Variants in CACHD1 observed in about 807,000 individuals in gnomAD.
The protein encoded by CACHD1 is cache domain containing 1.
A neutral mutation model predicts 138.7 loss-of-function variants in CACHD1; 71 were observed. The ratio of observed to expected loss-of-function variants is 0.51; its 90% CI spans 0.42 to 0.62. CACHD1 has a LOEUF of 0.62. Ranked by LOEUF, CACHD1 falls within the 20% of genes least tolerant of loss-of-function variation. The pLI is 0.00. For synonymous variants in CACHD1, 578 were observed against 591.5 expected (o/e 0.98, Z 0.33); for missense variants, 1,389 against 1,625.3 (o/e 0.85, Z 2.50).
chr1:64,536,599 G>A (rs909715748), intron 1 of CACHD1, among the ~76,000 whole-genome samples: 23 of 152,152 alleles, frequency 1.5e-4, no homozygotes, highest in African/African-American at 5.6e-4. Context: ...TGAGAGTTAG[G>A]AGAAGTATTC....
At chr1:64,507,812 A>G (rs1646389084) in intron 1 of CACHD1, among the ~76,000 whole-genome samples, 2 of 152,196 alleles carry the variant, frequency 1.3e-5, no homozygotes, top group African/African-American at 4.8e-5. Context: ...AGTTCAAACC[A>G]CCAGTATGTT....
intron 1 of CACHD1, among the ~76,000 whole-genome samples, chr1:64,472,545 A>G (rs1440152919): frequency 6.6e-6 from 1 of 152,256 alleles, no homozygotes; most frequent in East Asian, 1.9e-4. Context: ...TTTAAGATGC[A>G]TCATTCAACT....
rs190008138 is a variant in CACHD1, at chr1:64,686,990, A to C, written c.3587-4333A>C. On this transcript the variant is annotated intron_variant, in intron 26 of 26. Coordinates refer to ENST00000651257, the MANE Select transcript of CACHD1 (RefSeq NM_020925.4). Reference sequence around the variant, plus strand: ...TATAATCAAACAAAGTTTCTTAGGAACTATCAGATAAATATATAAGCAGAC... The same window carrying C: ...TATAATCAAACAAAGTTTCTTAGGACCTATCAGATAAATATATAAGCAGAC... Among the ~76,000 whole-genome samples, 475 of 152,338 alleles carry C rather than the reference A, an allele frequency of 3.1e-3. 5 individuals are homozygous for C. The highest frequency in any genetic ancestry group is 0.011 in the African/African-American group (453 of 41,572).
At chr1:64,623,647 G>A (rs904301826) in intron 4 of CACHD1, among the ~76,000 whole-genome samples, 4 of 152,168 alleles carry the variant, frequency 2.6e-5, no homozygotes, top group Admixed American at 1.3e-4. Context: ...CTATAACACC[G>A]ATAATGCGGA....
intron 1 of CACHD1, among the ~76,000 whole-genome samples, chr1:64,489,807 T>A (rs1442093582): frequency 2.0e-5 from 3 of 152,058 alleles, no homozygotes; most frequent in African/African-American, 7.3e-5. Flanking sequence ...CCAGGAAGAG[T>A]CCTGGGTGTG....
intron 7 of CACHD1, 117 bp downstream of exon 7, chr1:64,634,377 T>TTTATTTA: frequency 2.3e-6 from 1 of 444,022 alleles, no homozygotes; most frequent in Non-Finnish European, 3.7e-6. Flanking sequence ...TATTTATGTA[T>TTTATTTA]GTATTTATTT....
chr1:64,518,290 C>CT (rs34268687), intron 1 of CACHD1, among the ~76,000 whole-genome samples: 59 of 149,238 alleles, frequency 4.0e-4, no homozygotes, highest in African/African-American at 1.1e-3. Flanking sequence ...AAATCAATGA[C>CT]TTTTTTTTTT....
At chr1:64,590,304 C>G (rs1647089131) in intron 3 of CACHD1, among the ~76,000 whole-genome samples, 1 of 114,866 alleles carries the variant, frequency 8.7e-6, no homozygotes, top group Non-Finnish European at 1.7e-5. Flanking sequence ...GCCTGGGCAA[C>G]AGAGCAAGAC....
In CACHD1 at chr1:64,653,615, C is replaced by T. The variant is rs888122798; in HGVS notation, c.1541-143C>T. The T allele has an allele frequency of 4.3e-6, 3 of 693,788 alleles. No individual in the cohort carries two copies. The South Asian group carries it at 7.0e-5, about 16-fold the overall frequency. The allele number at this position is 693,788 out of a possible 1,614,324, so 43.0% of individuals were successfully genotyped here. ...TATGTAAGCACATATAAAACAGGTT[C>T]AGTTTTTACTGGACTGGTGAGTTGC... is the stretch of plus-strand genomic sequence containing the variant. On this transcript the variant is annotated intron_variant, in intron 10 of 26. Coordinates refer to ENST00000651257, the MANE Select transcript of CACHD1 (RefSeq NM_020925.4).
At chr1:64,522,459 A>C (rs994418893) in intron 1 of CACHD1, among the ~76,000 whole-genome samples, 1 of 151,998 alleles carries the variant, frequency 6.6e-6, no homozygotes, top group African/African-American at 2.4e-5. Context: ...AGGCACATGC[A>C]ACCACGACCG....
intron 4 of CACHD1, among the ~76,000 whole-genome samples, chr1:64,626,705 C>T: frequency 6.6e-6 from 1 of 152,180 alleles, no homozygotes; most frequent in East Asian, 1.9e-4. Flanking sequence ...CAAAAGTCCA[C>T]CATACTTTGT....
At chr1:64,574,809 C>T (rs933966677) in intron 2 of CACHD1, among the ~76,000 whole-genome samples, 2 of 152,220 alleles carry the variant, frequency 1.3e-5, no homozygotes, top group South Asian at 2.1e-4. Context: ...TAACTTGCCT[C>T]GTCTCCTTCA....
chr1:64,553,219 T>C (rs1369739894), intron 2 of CACHD1, among the ~76,000 whole-genome samples: 1 of 152,202 alleles, frequency 6.6e-6, no homozygotes, highest in Non-Finnish European at 1.5e-5. Context: ...ATTGAAAAAT[T>C]TGCTATCACT....
intron 19 of CACHD1, among the ~76,000 whole-genome samples, chr1:64,673,963 A>G (rs577203879): frequency 8.5e-5 from 13 of 152,260 alleles, no homozygotes; most frequent in East Asian, 3.9e-4. Flanking sequence ...AGTTGCTGCA[A>G]ATTTACCTGG....
At chr1:64,623,698 A>G (rs1315108791) in intron 4 of CACHD1, among the ~76,000 whole-genome samples, 3 of 152,198 alleles carry the variant, frequency 2.0e-5, no homozygotes, top group Non-Finnish European at 4.4e-5. Flanking sequence ...GGAGGATTTA[A>G]GAGGGTGCAG....
At chr1:64,471,408 G>A (rs1432353374) in intron 1 of CACHD1, among the ~76,000 whole-genome samples, 1 of 152,134 alleles carries the variant, frequency 6.6e-6, no homozygotes, top group African/African-American at 2.4e-5. Context: ...CCTTGACCGC[G>A]TCCTCGCGTC....
chr1:64,624,980 A>G (rs1379006890), intron 4 of CACHD1, among the ~76,000 whole-genome samples: 3 of 152,196 alleles, frequency 2.0e-5, no homozygotes, highest in Non-Finnish European at 2.9e-5. Flanking sequence ...CAGCCCATTC[A>G]TTCATTTACA....
Position 64,652,310 on chromosome 1 carries a change from G to C in CACHD1, c.1540G>C (p.Gly514Arg). 6.2e-7 allele frequency: 1 copy of C among 1,601,808 alleles called. No individual in the cohort carries two copies. The highest frequency in any genetic ancestry group is 8.5e-7 in the Non-Finnish European group (1 of 1,176,178). The change falls in exon 10 of 27, where the codon GGA becomes CGA. Residue 514 changes from glycine to arginine, a missense_variant and splice_region_variant. Gly to Arg is a moderately radical substitution (Grantham distance 125, BLOSUM62 -2). Transcript: ENST00000651257. The stretch of plus-strand genomic sequence containing the variant: ...CTATACTTTTCTCATAGACGACAAA[G>C]GTAATCTGCTAAATGTTCATCCTAA... ...ASYTFLIDDK[G>R]YTLMHPSLTR...
intron 26 of CACHD1, among the ~76,000 whole-genome samples, chr1:64,687,449 G>A (rs1348143045): frequency 6.6e-6 from 1 of 152,198 alleles, no homozygotes; most frequent in African/African-American, 2.4e-5. Context: ...AATGCCCTTA[G>A]TATGAGAGTT....
Sources: allele counts gnomAD v4.1 joint callset (sites outside exome capture counted in the v4.1 genomes callset), GRCh38; gene constraint gnomAD v4.1.1; transcripts MANE v1.5; gene names NCBI Gene and HGNC (gene_info 2026-07-23, HGNC 2026-07-21).